Variants in SCAP observed in about 807,000 individuals in gnomAD.
SCAP encodes SREBF chaperone, also known as sterol regulatory element-binding protein cleavage-activating protein.
In SCAP, 65 loss-of-function variants were observed where a neutral mutation model predicts 123.6. The observed-to-expected ratio is 0.53, with a 90% CI of 0.43 to 0.65. The LOEUF is 0.65. SCAP is among the 30% of genes least tolerant of loss of function. The probability of loss-of-function intolerance (pLI) is 0.00; values close to 1 mark genes in which losing one functional copy is unlikely to be tolerated. For missense variants in SCAP, 1,398 were observed against 1,712.5 expected, an observed-to-expected ratio of 0.82 and a Z score of 3.24; for synonymous variants, 740 against 726.3, an observed-to-expected ratio of 1.02 and a Z score of -0.30.
chr3:47,444,482 TA>T (rs1327211691), intron 1 of SCAP, among the ~76,000 whole-genome samples: 1 of 152,194 alleles, frequency 6.6e-6, no homozygotes, highest in African/African-American at 2.4e-5. Flanking sequence ...AGGAACCCTT[TA>T]TTTTTTTTGA....
intron 1 of SCAP, among the ~76,000 whole-genome samples, chr3:47,462,365 C>T (rs1464473025): frequency 9.2e-5 from 14 of 152,120 alleles, no homozygotes; most frequent in East Asian, 5.8e-4. Flanking sequence ...TCTGCCCCAT[C>T]GGCTATCTGT....
intron 1 of SCAP, 29 bp from the exon 2 acceptor site, chr3:47,443,120 CAAAG>C: frequency 6.7e-7 from 1 of 1,498,426 alleles, no homozygotes; most frequent in Non-Finnish European, 8.9e-7. Flanking sequence ...AGCCAGTTAA[CAAAG>C]AGTACTTGGC....
intron 1 of SCAP, among the ~76,000 whole-genome samples, chr3:47,456,748 G>A (rs1173539909): frequency 1.3e-5 from 2 of 151,596 alleles, no homozygotes; most frequent in Non-Finnish European, 2.9e-5. Context: ...TCGTGCCACT[G>A]TACTCTAGTC....
chr3:47,426,172 G>A lies in SCAP; in HGVS notation c.738-3C>T. On this transcript the variant is annotated splice_polypyrimidine_tract_variant and splice_region_variant and intron_variant, in intron 6 of 22. Transcript: ENST00000265565. Reference sequence around the variant, plus strand: ...GGGCACGCAGGCTGCCCAGGAACCTGGTCAAGGAGCAGGGTGGGGGTAAAT... The same window carrying A: ...GGGCACGCAGGCTGCCCAGGAACCTAGTCAAGGAGCAGGGTGGGGGTAAAT... 6.2e-7 allele frequency: 1 copy of A among 1,612,500 alleles called. No individual in the cohort carries two copies.
intron 1 of SCAP, among the ~76,000 whole-genome samples, chr3:47,448,987 C>G (rs1707153704): frequency 6.6e-6 from 1 of 152,160 alleles, no homozygotes. Flanking sequence ...GTCTTTGCAG[C>G]AATCAACCTA....
chr3:47,434,992 C>T lies in SCAP; in HGVS notation c.252+16G>A. The T allele has an allele frequency of 6.2e-7, 1 of 1,614,126 alleles. No individual in the cohort carries two copies. The highest frequency in any genetic ancestry group is 1.1e-5 in the South Asian group (1 of 91,084). ...CAACGCTCTGTGCTGGCCTCAGGAA[C>T]ATGACGAGTACCCACCCACTCAGGC... On this transcript the variant is annotated intron_variant, in intron 3 of 22. Coordinates refer to ENST00000265565, the MANE Select transcript of SCAP (RefSeq NM_012235.4).
At chr3:47,452,598 T>C (rs1707266054) in intron 1 of SCAP, among the ~76,000 whole-genome samples, 1 of 152,212 alleles carries the variant, frequency 6.6e-6, no homozygotes, top group Non-Finnish European at 1.5e-5. Context: ...TTGTTAGAAA[T>C]GCAAATTATT....
intron 1 of SCAP, among the ~76,000 whole-genome samples, chr3:47,460,000 C>T (rs1234562023): frequency 6.6e-6 from 1 of 152,134 alleles, no homozygotes; most frequent in Non-Finnish European, 1.5e-5. Context: ...TATTAATATT[C>T]CTTGCTAGGA....
chr3:47,443,182 G>A, intron 1 of SCAP, 91 bp from the exon 2 acceptor site: 1 of 1,011,542 alleles, frequency 9.9e-7, no homozygotes, highest in Non-Finnish European at 1.4e-6. Flanking sequence ...TGTGGCTGGG[G>A]AATGGTTTCA....
intron 1 of SCAP, among the ~76,000 whole-genome samples, chr3:47,462,108 G>GT (rs554750131): frequency 2.4e-4 from 36 of 152,008 alleles, no homozygotes; most frequent in African/African-American, 8.0e-4. Context: ...TCGTTTTGTG[G>GT]TAAAAAAAAA....
chr3:47,417,960 G>A, intron 16 of SCAP, 134 bp from the exon 17 acceptor site: 1 of 400,210 alleles, frequency 2.5e-6, no homozygotes, highest in Non-Finnish European at 4.7e-6. Flanking sequence ...GGTGGTGCGG[G>A]GTGGGGAGAG....
At chr3:47,437,742 C>CA (rs1397094856) in intron 2 of SCAP, among the ~76,000 whole-genome samples, 5 of 148,836 alleles carry the variant, frequency 3.4e-5, no homozygotes, top group Non-Finnish European at 6.0e-5. Context: ...ACCCCCGTCT[C>CA]AAAAAAACAA....
chr3:47,462,206 C>T (rs1020718462), intron 1 of SCAP, among the ~76,000 whole-genome samples: 1 of 152,166 alleles, frequency 6.6e-6, no homozygotes, highest in Non-Finnish European at 1.5e-5. Flanking sequence ...GCCATCACCA[C>T]CATCCATCTT....
In SCAP at chr3:47,427,146, G is replaced by C; in HGVS notation, c.737+11C>G. 1.3e-6 allele frequency: 2 copies of C among 1,596,754 alleles called. No homozygotes were observed. The highest frequency in any genetic ancestry group is 2.7e-5 in the African/African-American group (2 of 74,660). ...AGACCAGTCAAGAGCCCAGGGTACT[G>C]TCAATCTTACTTGGCATGGTAGTGC... On this transcript the variant is annotated intron_variant, in intron 6 of 22. Coordinates refer to ENST00000265565, the MANE Select transcript of SCAP (RefSeq NM_012235.4).
chr3:47,418,044 G>A (rs1461631088), intron 16 of SCAP, 90 bp downstream of exon 16: 2 of 939,710 alleles, frequency 2.1e-6, no homozygotes, highest in Non-Finnish European at 3.2e-6. Context: ...GGATACCTCG[G>A]AGGAAGAAAG....
intron 10 of SCAP, 66 bp downstream of exon 10, chr3:47,422,376 C>A: frequency 7.0e-7 from 1 of 1,431,748 alleles, no homozygotes; most frequent in Non-Finnish European, 9.7e-7. Flanking sequence ...CTGCCCATGG[C>A]TGCACAGCTG....
intron 3 of SCAP, among the ~76,000 whole-genome samples, chr3:47,430,672 G>A (rs1444980704): frequency 6.6e-6 from 1 of 152,198 alleles, no homozygotes; most frequent in Non-Finnish European, 1.5e-5. Flanking sequence ...TGAGGTGAAG[G>A]GGCAACCTGA....
chr3:47,418,600 C>T, intron 14 of SCAP, 55 bp downstream of exon 14: 1 of 1,551,258 alleles, frequency 6.4e-7, no homozygotes, highest in Non-Finnish European at 8.7e-7. Context: ...CTACTCTTGC[C>T]TACCCGTCCC....
chr3:47,465,514 C>T (rs1707789790), intron 1 of SCAP, among the ~76,000 whole-genome samples: 1 of 152,188 alleles, frequency 6.6e-6, no homozygotes, highest in South Asian at 2.1e-4. Context: ...TGCCTGTAAA[C>T]CCAGCACTTT....
Sources: allele counts gnomAD v4.1 joint callset (sites outside exome capture counted in the v4.1 genomes callset), GRCh38; gene constraint gnomAD v4.1.1; transcripts MANE v1.5; gene names NCBI Gene and HGNC (gene_info 2026-07-23, HGNC 2026-07-21).